TBCD: variants seen among roughly 807,000 people sequenced by gnomAD.
TBCD encodes the protein tubulin folding cofactor D.
A neutral mutation model predicts 169.3 loss-of-function variants in TBCD; 105 were observed. That is an observed-to-expected ratio of 0.62 (90% confidence interval 0.53 to 0.73). The LOEUF is 0.73. Among genes scored for constraint, TBCD ranks in the 30% least tolerant of loss-of-function variants. The pLI is 0.00. For synonymous variants in TBCD, 700 were observed against 643.9 expected, an observed-to-expected ratio of 1.09 and a Z score of -1.32; for missense variants, 1,444 against 1,600.1, an observed-to-expected ratio of 0.90 and a Z score of 1.66.
At chr17:82,814,427 ACT>A (rs1410942501) in intron 12 of TBCD, among the ~76,000 whole-genome samples, 1 of 151,744 alleles carries the variant, frequency 6.6e-6, no homozygotes, top group Non-Finnish European at 1.5e-5. Flanking sequence ...ACTTGTCCTC[ACT>A]CTCGGGAGAT....
chr17:82,767,387 A>C (rs1371180857), intron 4 of TBCD, among the ~76,000 whole-genome samples: 1 of 152,028 alleles, frequency 6.6e-6, no homozygotes. Flanking sequence ...TTTTTTACTA[A>C]TTACTGAAAA....
rs377166447 is a variant in TBCD, at chr17:82,905,979, C to T, written c.1848C>T (p.His616=). The T allele has an allele frequency of 1.5e-4, 239 of 1,613,284 alleles. No individual in the cohort carries two copies. The highest frequency in any genetic ancestry group is 1.9e-4 in the Non-Finnish European group (225 of 1,179,628). ...CCATGACACTGAGTCCAGATCTTCA[C>T]ATGAGGCATGGGTCGATTCTCGCCT... The part of the protein sequence containing the change: ...LLSMTLSPDL[H]MRHGSILACA... The change falls in exon 20 of 39, where the codon CAC becomes CAT. Residue 616 remains histidine (H), a synonymous_variant. Transcript: ENST00000355528.
intron 11 of TBCD, among the ~76,000 whole-genome samples, chr17:82,808,499 G>GAGGTGTCA: frequency 7.3e-6 from 1 of 136,442 alleles, no homozygotes; most frequent in Non-Finnish European, 1.6e-5. Context: ...GACAGGTGCT[G>GAGGTGTCA]GGGGGCGGGG....
chr17:82,821,190 G>C (rs554432392), intron 13 of TBCD, among the ~76,000 whole-genome samples: 1 of 152,164 alleles, frequency 6.6e-6, no homozygotes, highest in Admixed American at 6.5e-5. Flanking sequence ...TGATCTTCCT[G>C]CCTTGGCCTG....
chr17:82,941,310 C>A (rs112387396), intron 37 of TBCD, 89 bp from the exon 38 acceptor site: 3 of 1,145,438 alleles, frequency 2.6e-6, no homozygotes, highest in South Asian at 2.9e-5. Flanking sequence ...TCCCTGACTG[C>A]GGCCATGGAA....
chr17:82,798,984 C>G (rs2144639914), intron 8 of TBCD, among the ~76,000 whole-genome samples: 1 of 152,280 alleles, frequency 6.6e-6, no homozygotes, highest in South Asian at 2.1e-4. Context: ...TCTGCCCTGC[C>G]TTGGCCTCCC....
chr17:82,794,620 A>G (rs2049974671), intron 7 of TBCD, among the ~76,000 whole-genome samples: 1 of 152,230 alleles, frequency 6.6e-6, no homozygotes, highest in Non-Finnish European at 1.5e-5. Context: ...TCCTGCTGAC[A>G]GGTACCCCAT....
chr17:82,854,709 G>A (rs916377013), intron 13 of TBCD, among the ~76,000 whole-genome samples: 28 of 152,208 alleles, frequency 1.8e-4, no homozygotes, highest in South Asian at 4.1e-4. Flanking sequence ...CGGTGCTGGA[G>A]TGAGTGCCAG....
Position 82,889,754 on chromosome 17 carries a change from G to A in TBCD, c.1563+57G>A. The A allele has an allele frequency of 1.3e-6, 2 of 1,598,372 alleles. No homozygotes were observed. The highest frequency in any genetic ancestry group is 1.7e-6 in the Non-Finnish European group (2 of 1,168,466). ...AAACTTCCTGCGGGTTTATAGGTAG[G>A]AATCTTGAGAGCTATAACCCTGGTG... On this transcript the variant is annotated intron_variant, in intron 16 of 38. Coordinates refer to ENST00000355528, the MANE Select transcript of TBCD (RefSeq NM_005993.5). The surrounding 1 kb of genome is among the most constrained non-coding windows in gnomAD (Gnocchi z 5.3).
Position 82,903,041 on chromosome 17 carries a change from C to T in TBCD, c.1731-364C>T, listed in dbSNP as rs2059994595. On this transcript the variant is annotated intron_variant, in intron 18 of 38. Coordinates refer to ENST00000355528, the MANE Select transcript of TBCD (RefSeq NM_005993.5). This position sits in a 1 kb window ranked among gnomAD's most constrained non-coding sequence, Gnocchi z 4.8. ...TTGGTGGGTGAGCCTCAGGAAATTC[C>T]TTCTGTTCACCCCTTGTAATCGTGG... 1.3e-5 allele frequency among the ~76,000 whole-genome samples: 2 copies of T among 152,174 alleles called. No homozygotes were observed. Among genetic ancestry groups the T allele is most frequent in the Admixed American group, 6.5e-5 (1 of 15,278 alleles).
intron 15 of TBCD, among the ~76,000 whole-genome samples, chr17:82,887,178 CGCACGT>C (rs1455863714): frequency 2.0e-4 from 16 of 81,250 alleles, no homozygotes; most frequent in Middle Eastern, 0.016. Flanking sequence ...TGCGCGCGCG[CGCACGT>C]GCGCTCACGC....
At position 82,865,861 on chromosome 17, in the gene TBCD, C is replaced by T. The variant is rs183539912; in HGVS notation, c.1319-4363C>T. Among the ~76,000 whole-genome samples, 19 of 152,244 alleles carry T rather than the reference C, an allele frequency of 1.2e-4. No homozygotes were observed. The East Asian group carries it at 2.7e-3, about 22-fold the overall frequency. On this transcript the variant is annotated intron_variant, in intron 13 of 38. Transcript: ENST00000355528. ...AGTTGTTTCTGTCACCTGGAGGCTGCTTTTTCCTCAGGCAATTGGCGTTCA... is the reference window on the plus strand; with the variant it reads ...AGTTGTTTCTGTCACCTGGAGGCTGTTTTTTCCTCAGGCAATTGGCGTTCA...
intron 6 of TBCD, among the ~76,000 whole-genome samples, chr17:82,774,524 C>T (rs1284036275): frequency 1.3e-5 from 2 of 152,224 alleles, no homozygotes; most frequent in East Asian, 1.9e-4. Context: ...TCGACAAAAC[C>T]GCCATCGTCA....
chr17:82,753,789 TG>T (rs2047246716), intron 1 of TBCD, among the ~76,000 whole-genome samples: 1 of 151,348 alleles, frequency 6.6e-6, no homozygotes, highest in South Asian at 2.1e-4. Context: ...CAGATAGAGT[TG>T]ATTTGTCAGG....
chr17:82,760,024 C>T (rs1439088743), intron 2 of TBCD, among the ~76,000 whole-genome samples: 1 of 151,806 alleles, frequency 6.6e-6, no homozygotes, highest in Non-Finnish European at 1.5e-5. Context: ...GTAGCATGTG[C>T]CACCACGCCT....
rs1337582560 is a variant in TBCD, at chr17:82,801,004, C to T, written c.950+8C>T. 2 of 1,602,958 alleles carry T rather than the reference C, an allele frequency of 1.2e-6. No individual in the cohort carries two copies. Among genetic ancestry groups the T allele is most frequent in the African/African-American group, 2.7e-5 (2 of 74,166 alleles). On this transcript the variant is annotated splice_region_variant and intron_variant, in intron 9 of 38. Coordinates refer to ENST00000355528, the MANE Select transcript of TBCD (RefSeq NM_005993.5). ...GAAGGTGGCAGCATGGAGGTAGGCACCATGAGGGCGGTGCCTGGGGAGGGC... is the reference window on the plus strand; with the variant it reads ...GAAGGTGGCAGCATGGAGGTAGGCATCATGAGGGCGGTGCCTGGGGAGGGC...
At chr17:82,804,789 C>T (rs143955099) in intron 9 of TBCD, among the ~76,000 whole-genome samples, 11 of 152,316 alleles carry the variant, frequency 7.2e-5, no homozygotes, top group South Asian at 2.1e-4. Flanking sequence ...GGCCACACCC[C>T]GTGTGAGAGG....
intron 23 of TBCD, among the ~76,000 whole-genome samples, chr17:82,916,202 G>A (rs796767426): frequency 3.9e-5 from 6 of 152,176 alleles, no homozygotes; most frequent in African/African-American, 1.2e-4. Flanking sequence ...TGTGTCTGCT[G>A]GTGGCACCCT....
chr17:82,931,548 C>T (rs1343701742), intron 33 of TBCD, among the ~76,000 whole-genome samples: 1 of 152,212 alleles, frequency 6.6e-6, no homozygotes, highest in Non-Finnish European at 1.5e-5. Context: ...CCTTGCTGAC[C>T]AGTCGTGTCT....
Sources: allele counts gnomAD v4.1 joint callset (sites outside exome capture counted in the v4.1 genomes callset), GRCh38; gene constraint gnomAD v4.1.1; non-coding constraint Gnocchi (gnomAD v3.1); transcripts MANE v1.5; gene names NCBI Gene and HGNC (gene_info 2026-07-23, HGNC 2026-07-21).